Variants in FXYD6 observed in about 807,000 individuals in gnomAD.
FXYD6 encodes the protein FXYD domain-containing ion transport regulator 6.
In FXYD6, 7 loss-of-function variants were observed where a neutral mutation model predicts 16.7. That is an observed-to-expected ratio of 0.42 (90% CI 0.24 to 0.79). The LOEUF is 0.79. Among genes scored for constraint, FXYD6 ranks in the 30% least tolerant of loss-of-function variants. The pLI is 0.28. For missense variants in FXYD6, 111 were observed against 116.2 expected, an observed-to-expected ratio of 0.95 and a Z score of 0.21; for synonymous variants, 49 against 43.0, an observed-to-expected ratio of 1.14 and a Z score of -0.54.
At chr11:117,856,338 T>C (rs747196544) in intron 1 of FXYD6, among the ~76,000 whole-genome samples, 2 of 152,110 alleles carry the variant, frequency 1.3e-5, no homozygotes, top group Non-Finnish European at 2.9e-5. Context: ...CCCTTGAAAA[T>C]GCAGAGGCTC....
chr11:117,860,744 A>G (rs1565325686), intron 1 of FXYD6, among the ~76,000 whole-genome samples: 2 of 152,194 alleles, frequency 1.3e-5, no homozygotes, highest in Non-Finnish European at 2.9e-5. Flanking sequence ...TTCTTTGTAA[A>G]CTGTAAAACA....
chr11:117,844,892 C>T (rs1400530459), intron 1 of FXYD6, among the ~76,000 whole-genome samples: 1 of 152,204 alleles, frequency 6.6e-6, no homozygotes, highest in Non-Finnish European at 1.5e-5. Context: ...TGCTAGAGAT[C>T]TGCTGTATAA....
intron 1 of FXYD6, among the ~76,000 whole-genome samples, chr11:117,867,319 G>A (rs1239598721): frequency 6.6e-6 from 1 of 152,200 alleles, no homozygotes; most frequent in African/African-American, 2.4e-5. Context: ...GCCTCACCAA[G>A]TTTCCGGGGC....
intron 7 of FXYD6, chr11:117,839,517 G>A (rs532545811): frequency 1.2e-4 from 55 of 462,188 alleles, no homozygotes; most frequent in Middle Eastern, 1.1e-3. Flanking sequence ...TTGGGATGAC[G>A]CCCTATGCAC....
rs181045087 is a variant in FXYD6, at chr11:117,874,829, G to A, written c.-6+1763C>T. ...GTTAACACCTGGAGCTCCGGACTGGGGCTTTGAGGAGGAGGGAAAAGGGCT... is the reference window on the plus strand; with the variant it reads ...GTTAACACCTGGAGCTCCGGACTGGAGCTTTGAGGAGGAGGGAAAAGGGCT... On this transcript the variant is annotated intron_variant, in intron 1 of 7. Transcript: ENST00000526014. Among the ~76,000 whole-genome samples, 11 of 152,360 alleles carry A rather than the reference G, an allele frequency of 7.2e-5. No individual in the cohort carries two copies. In the East Asian group the frequency reaches 1.2e-3, roughly 16 times the overall value.
chr11:117,864,837 G>A (rs755941233), intron 1 of FXYD6, among the ~76,000 whole-genome samples: 1 of 152,074 alleles, frequency 6.6e-6, no homozygotes, highest in African/African-American at 2.4e-5. Context: ...CGCAGGCCTC[G>A]GCCTCCCAAA....
intron 1 of FXYD6, among the ~76,000 whole-genome samples, chr11:117,846,111 G>T (rs2056460373): frequency 6.6e-6 from 1 of 152,132 alleles, no homozygotes; most frequent in Non-Finnish European, 1.5e-5. Context: ...GATATTTTCT[G>T]TTGTCAGATA....
chr11:117,866,695 C>T (rs747251661), intron 1 of FXYD6, among the ~76,000 whole-genome samples: 1 of 152,210 alleles, frequency 6.6e-6, no homozygotes, highest in Admixed American at 6.5e-5. Context: ...CTCTGTCCAT[C>T]TCACAGCTGC....
intron 1 of FXYD6, among the ~76,000 whole-genome samples, chr11:117,871,691 A>T (rs184764531): frequency 5.3e-4 from 80 of 152,284 alleles, no homozygotes; most frequent in African/African-American, 1.8e-3. Flanking sequence ...CATTACTATC[A>T]TTATTACAGC....
chr11:117,841,299 A>G, intron 4 of FXYD6, 115 bp from the exon 5 acceptor site: 3 of 1,356,848 alleles, frequency 2.2e-6, no homozygotes, highest in East Asian at 4.8e-5. Context: ...TGGGCAGTGC[A>G]CAGTTTGCAC....
chr11:117,851,331 T>C (rs2056606885), intron 1 of FXYD6, among the ~76,000 whole-genome samples: 3 of 152,242 alleles, frequency 2.0e-5, no homozygotes, highest in African/African-American at 7.2e-5. Context: ...TGAGTCAAGC[T>C]AGCTGCCATG....
chr11:117,847,252 C>T (rs771179972), intron 1 of FXYD6, among the ~76,000 whole-genome samples: 1 of 152,292 alleles, frequency 6.6e-6, no homozygotes, highest in Non-Finnish European at 1.5e-5. Flanking sequence ...TAATAACTTA[C>T]CTAGAAATGC....
Position 117,837,535 on chromosome 11 carries a change from C to T in FXYD6, c.*764G>A, listed in dbSNP as rs1363543111. On this transcript the variant is annotated 3_prime_UTR_variant, in exon 8 of 8. Transcript: ENST00000526014. This position sits in a 1 kb window ranked among gnomAD's most constrained non-coding sequence, Gnocchi z 4.4. ...CCAGGGGCAGAGTAGAAGCCCTGGG[C>T]CTGGAATCCCCGGGCGCTCTGTGAA... 1 of 152,646 alleles carries T rather than the reference C, an allele frequency of 6.6e-6. No individual in the cohort carries two copies. Among genetic ancestry groups the T allele is most frequent in the Non-Finnish European group, 1.5e-5 (1 of 68,196 alleles). The allele number at this position is 152,646 out of a possible 1,614,324, so 9.5% of individuals were successfully genotyped here. A position where few individuals can be genotyped will look rare whatever the true frequency, so the allele number is the denominator to read the frequency against.
chr11:117,849,507 A>T (rs1299235342), intron 1 of FXYD6, among the ~76,000 whole-genome samples: 3 of 152,110 alleles, frequency 2.0e-5, no homozygotes, highest in African/African-American at 7.2e-5. Flanking sequence ...TATGCCTATA[A>T]ATTAACATTA....
intron 1 of FXYD6, among the ~76,000 whole-genome samples, chr11:117,849,231 C>A (rs918789524): frequency 1.3e-5 from 2 of 152,174 alleles, no homozygotes; most frequent in African/African-American, 4.8e-5. Context: ...ATACTTTAAA[C>A]CTCCTTACAA....
In FXYD6 at chr11:117,871,912, C is replaced by T. The variant is rs141891630; in HGVS notation, c.-6+4680G>A. Among the ~76,000 whole-genome samples, 72 of 152,306 alleles carry T rather than the reference C, an allele frequency of 4.7e-4. No individual in the cohort carries two copies. In the East Asian group the frequency reaches 8.5e-3, roughly 18 times the overall value. On this transcript the variant is annotated intron_variant, in intron 1 of 7. Transcript: ENST00000526014. Reference sequence around the variant, plus strand: ...CCCTCTACTCGGCACATTCCAGCAACGGCTTGAGCTCAGGCAGAGGGTGAG... The same window carrying T: ...CCCTCTACTCGGCACATTCCAGCAATGGCTTGAGCTCAGGCAGAGGGTGAG...
At chr11:117,858,777 C>CTTCCTTCTTTCCTTCT (rs1356939879) in intron 1 of FXYD6, among the ~76,000 whole-genome samples, 1 of 75,394 alleles carries the variant, frequency 1.3e-5, no homozygotes, top group African/African-American at 4.5e-5. Context: ...TCCTTCCTTC[C>CTTCCTTCTTTCCTTCT]TTCTTTCTTT....
At chr11:117,853,527 T>C (rs141048628) in intron 1 of FXYD6, among the ~76,000 whole-genome samples, 20 of 152,344 alleles carry the variant, frequency 1.3e-4, no homozygotes, top group Middle Eastern at 3.4e-3. Context: ...AGATAGAGTC[T>C]CACTGTGTCA....
intron 1 of FXYD6, among the ~76,000 whole-genome samples, chr11:117,849,103 C>T (rs892585600): frequency 5.3e-5 from 8 of 152,170 alleles, no homozygotes; most frequent in African/African-American, 1.9e-4. Context: ...AATGTTCCCT[C>T]TAAGTGCTTT....
Sources: gnomAD v4.1 joint callset for allele counts (sites outside exome capture counted in the v4.1 genomes callset) on GRCh38, gnomAD v4.1.1 for gene constraint, Gnocchi (gnomAD v3.1) non-coding constraint, MANE v1.5 for transcripts, NCBI Gene and HGNC (gene_info 2026-07-23, HGNC 2026-07-21) for gene names.